NOS1AP: variants seen among roughly 807,000 people sequenced by gnomAD.
NOS1AP encodes nitric oxide synthase 1 adaptor protein, also known as carboxyl-terminal PDZ ligand of neuronal nitric oxide synthase protein.
In NOS1AP, 21 loss-of-function variants were observed where a neutral mutation model predicts 56.2. The ratio of observed to expected loss-of-function variants is 0.37; its 90% CI spans 0.26 to 0.54. The LOEUF is 0.54. Among genes scored for constraint, NOS1AP ranks in the 20% least tolerant of loss-of-function variants. The pLI is 0.84. For synonymous variants in NOS1AP, 270 were observed against 274.6 expected (o/e 0.98, Z 0.17); for missense variants, 522 against 657.8 (o/e 0.79, Z 2.26).
chr1:162,124,598 C>G (rs1205689745), intron 1 of NOS1AP, among the ~76,000 whole-genome samples: 1 of 152,148 alleles, frequency 6.6e-6, no homozygotes, highest in East Asian at 1.9e-4. Context: ...TCTTGGCTCA[C>G]TGCAACCTCT....
At chr1:162,262,729 T>C (rs948177254) in intron 2 of NOS1AP, among the ~76,000 whole-genome samples, 6 of 152,194 alleles carry the variant, frequency 3.9e-5, no homozygotes, top group African/African-American at 1.2e-4. Context: ...ATTTAGTGAG[T>C]GCCAACTAAG....
intron 4 of NOS1AP, among the ~76,000 whole-genome samples, chr1:162,331,072 A>G (rs766530721): frequency 9.9e-5 from 15 of 152,186 alleles, no homozygotes; most frequent in Non-Finnish European, 2.2e-4. Flanking sequence ...GGAGATGTCC[A>G]GGAAGGTTGG....
At chr1:162,075,992 C>T (rs1691758428) in intron 1 of NOS1AP, among the ~76,000 whole-genome samples, 1 of 152,160 alleles carries the variant, frequency 6.6e-6, no homozygotes, top group Non-Finnish European at 1.5e-5. Flanking sequence ...TGTCCCAGTC[C>T]TTTTTAGTGG....
chr1:162,138,826 C>T (rs6664115), intron 1 of NOS1AP, among the ~76,000 whole-genome samples: 105,569 of 152,062 alleles, frequency 0.69, 37,091 homozygotes, highest in Non-Finnish European at 0.72. Flanking sequence ...AAACCATTCT[C>T]GAGGAAGGGG....
chr1:162,367,390 G>T lies in NOS1AP; in HGVS notation c.1444G>T (p.Glu482Ter). Residue 482 changes from glutamate to a stop codon, truncating the protein, a stop_gained, in exon 10 of 10, where the codon GAG (glutamate) becomes TAG (stop). Transcript: ENST00000361897. LOFTEE classifies it high-confidence loss of function. The surrounding 1 kb of genome is among the most constrained non-coding windows in gnomAD (Gnocchi z 6.5). ...CGAGGAGCGCGACTCGTGGTCCCAG[G>T]AGGAGCTGCCGCGCCTGCTGAATGT... ...ESEERDSWSQ[E>*]ELPRLLNVLQ... 6.2e-7 allele frequency: 1 copy of T among 1,605,094 alleles called. No individual in the cohort carries two copies.
intron 4 of NOS1AP, among the ~76,000 whole-genome samples, chr1:162,327,945 T>C (rs35583338): frequency 5.3e-5 from 8 of 152,222 alleles, no homozygotes; most frequent in African/African-American, 1.9e-4. Flanking sequence ...TATGTGTGTT[T>C]TAATGCTTAA....
chr1:162,252,586 G>A (rs183109620), intron 2 of NOS1AP, among the ~76,000 whole-genome samples: 231 of 152,222 alleles, frequency 1.5e-3, no homozygotes, highest in African/African-American at 5.3e-3. Context: ...ATTTTATCTC[G>A]TAAGTGGAGG....
intron 1 of NOS1AP, among the ~76,000 whole-genome samples, chr1:162,091,999 CT>C (rs1692140752): frequency 6.6e-6 from 1 of 152,080 alleles, no homozygotes; most frequent in Non-Finnish European, 1.5e-5. Context: ...AGATTAGGTC[CT>C]AAATCAGCTC....
intron 1 of NOS1AP, among the ~76,000 whole-genome samples, chr1:162,094,157 A>T (rs1046105854): frequency 6.6e-6 from 1 of 152,118 alleles, no homozygotes; most frequent in African/African-American, 2.4e-5. Context: ...GATGGGTAGG[A>T]GTGAGTAGTT....
At chr1:162,357,589 C>G (rs1657744884) in intron 8 of NOS1AP, among the ~76,000 whole-genome samples, 1 of 148,580 alleles carries the variant, frequency 6.7e-6, no homozygotes, top group African/African-American at 2.4e-5. Flanking sequence ...ACTACCCTAG[C>G]ATCCCAGTCT....
chr1:162,076,324 C>T (rs1260724102), intron 1 of NOS1AP, among the ~76,000 whole-genome samples: 2 of 152,104 alleles, frequency 1.3e-5, no homozygotes, highest in African/African-American at 4.8e-5. Context: ...TTTCTTCTTC[C>T]TTTCTGTTTT....
At position 162,351,785 on chromosome 1, in the gene NOS1AP, G is replaced by T. The variant is rs1050058576; in HGVS notation, c.596-3402G>T. The stretch of plus-strand genomic sequence containing the variant: ...CCTTTCCTTGGTAGCCAGGCTTCTT[G>T]CACAGCTTGTCTGTACTCACTGTCT... On this transcript the variant is annotated intron_variant, in intron 6 of 9. Transcript: ENST00000361897. Among the ~76,000 whole-genome samples, 4 of 152,042 alleles carry T rather than the reference G, an allele frequency of 2.6e-5. No individual in the cohort carries two copies. The East Asian group carries it at 7.7e-4, about 29-fold the overall frequency.
At chr1:162,244,995 T>TGGG (rs1400481657) in intron 2 of NOS1AP, among the ~76,000 whole-genome samples, 1 of 152,130 alleles carries the variant, frequency 6.6e-6, no homozygotes, top group East Asian at 1.9e-4. Flanking sequence ...GGGAAGACCA[T>TGGG]AGCTGCCTCC....
intron 2 of NOS1AP, among the ~76,000 whole-genome samples, chr1:162,241,999 G>A (rs181140067): frequency 2.6e-5 from 4 of 152,192 alleles, no homozygotes; most frequent in Admixed American, 1.3e-4. Context: ...ACAAAGCTTG[G>A]GGACAGTAAA....
At chr1:162,338,245 G>T (rs1657002743) in intron 5 of NOS1AP, among the ~76,000 whole-genome samples, 1 of 152,146 alleles carries the variant, frequency 6.6e-6, no homozygotes, top group African/African-American at 2.4e-5. Context: ...AAGAGATGGG[G>T]GAGAGGGGGA....
chr1:162,176,505 C>CTTTTTTTTT (rs34280743), intron 2 of NOS1AP, among the ~76,000 whole-genome samples: 6 of 87,470 alleles, frequency 6.9e-5, no homozygotes, highest in Non-Finnish European at 1.2e-4. Flanking sequence ...CATAATAGCT[C>CTTTTTTTTT]TTTTTTTTTT....
At chr1:162,210,436 G>C (rs1028610365) in intron 2 of NOS1AP, among the ~76,000 whole-genome samples, 2 of 152,192 alleles carry the variant, frequency 1.3e-5, no homozygotes, top group African/African-American at 4.8e-5. Context: ...TGAATCAGCT[G>C]TCATGGGAGT....
At chr1:162,290,422 G>A (rs971179742) in intron 3 of NOS1AP, among the ~76,000 whole-genome samples, 2 of 152,194 alleles carry the variant, frequency 1.3e-5, no homozygotes, top group Admixed American at 6.5e-5. Context: ...GTATCTTAAT[G>A]CTACCACCAC....
At chr1:162,113,767 G>A (rs1034864120) in intron 1 of NOS1AP, among the ~76,000 whole-genome samples, 5 of 151,982 alleles carry the variant, frequency 3.3e-5, no homozygotes, top group Non-Finnish European at 7.4e-5. Flanking sequence ...CCCATACTGC[G>A]GATTACAATT....
Sources: allele counts gnomAD v4.1 joint callset (sites outside exome capture counted in the v4.1 genomes callset), GRCh38; gene constraint gnomAD v4.1.1; non-coding constraint Gnocchi (gnomAD v3.1); transcripts MANE v1.5; gene names NCBI Gene and HGNC (gene_info 2026-07-23, HGNC 2026-07-21).